The following WDR35 variants were observed in gnomAD, a reference collection of about 807,000 sequenced individuals.
The protein encoded by WDR35 is WD repeat-containing protein 35.
WDR35 carries 118 observed loss-of-function variants against 158.3 expected under a neutral mutation model. That is an observed-to-expected ratio of 0.75 (90% CI 0.64 to 0.87). The LOEUF (loss-of-function observed/expected upper bound fraction) is 0.87, where lower values mean the gene tolerates loss of function less well. WDR35 is among the 40% of genes least tolerant of loss of function. WDR35 has a pLI of 0.00. For missense variants in WDR35, 1,263 were observed against 1,405.8 expected, an observed-to-expected ratio of 0.90 and a Z score of 1.62; for synonymous variants, 448 against 476.1, an observed-to-expected ratio of 0.94 and a Z score of 0.77.
In WDR35 at chr2:19,938,251, C is replaced by A; in HGVS notation, c.2063+14G>T. On this transcript the variant is annotated intron_variant, in intron 18 of 26. Coordinates refer to ENST00000281405, the MANE Select transcript of WDR35 (RefSeq NM_020779.4). ...ACACCTGACATCCTGGGAGAGTTTG[C>A]TTTTTTTAAATACCAAAGTCGGGGG... The A allele has an allele frequency of 6.2e-7, 1 of 1,613,922 alleles. No individual in the cohort carries two copies. Among genetic ancestry groups the A allele is most frequent in the Non-Finnish European group, 8.5e-7 (1 of 1,179,960 alleles).
At chr2:19,924,388 C>A (rs2103389659) in intron 25 of WDR35, among the ~76,000 whole-genome samples, 1 of 152,088 alleles carries the variant, frequency 6.6e-6, no homozygotes, top group South Asian at 2.1e-4. Context: ...CATGGTGAAA[C>A]CCCGTCTCTA....
chr2:19,937,785 C>T lies in WDR35; in HGVS notation c.2225G>A (p.Arg742Lys), dbSNP rs1325079310. ...ATACGTTCTTTCAGCCTCTTCAAAC[C>T]TGCCGAAGTAGCCAACAACTTCAGC... ...KQAEVVGYFG[R>K]FEEAERTYLE... The change falls in exon 19 of 27, where the codon AGG becomes AAG. Residue 742 changes from arginine to lysine, a missense_variant. Physicochemically the swap from Arg to Lys is conservative, Grantham distance 26. Transcript: ENST00000281405. The T allele has an allele frequency of 6.2e-7, 1 of 1,614,136 alleles. No homozygotes were observed. Among genetic ancestry groups the T allele is most frequent in the African/African-American group, 1.3e-5 (1 of 75,026 alleles).
At chr2:19,982,432 A>G (rs369312670) in intron 3 of WDR35, 31 bp downstream of exon 3, 2 of 1,606,096 alleles carry the variant, frequency 1.2e-6, no homozygotes, top group African/African-American at 2.7e-5. Flanking sequence ...ATACCACTCA[A>G]ACATGACTTA....
intron 10 of WDR35, among the ~76,000 whole-genome samples, chr2:19,965,716 G>T (rs1016686933): frequency 6.6e-6 from 1 of 152,198 alleles, no homozygotes; most frequent in Non-Finnish European, 1.5e-5. Flanking sequence ...AACCCCAGTC[G>T]TTGTAGGTGG....
At chr2:19,958,308 C>T (rs1671514427) in intron 11 of WDR35, among the ~76,000 whole-genome samples, 1 of 152,190 alleles carries the variant, frequency 6.6e-6, no homozygotes, top group African/African-American at 2.4e-5. Context: ...TAAAGAAATA[C>T]TTACTTTTCA....
At chr2:19,982,679 T>G (rs545717368) in intron 2 of WDR35, 145 bp from the exon 3 acceptor site, 25 of 864,748 alleles carry the variant, frequency 2.9e-5, no homozygotes, top group Admixed American at 5.3e-5. Context: ...GGTATAAACA[T>G]GAACAATAAC....
intron 25 of WDR35, among the ~76,000 whole-genome samples, chr2:19,921,012 A>G (rs920940484): frequency 6.6e-6 from 1 of 152,192 alleles, no homozygotes; most frequent in South Asian, 2.1e-4. Flanking sequence ...ACCTAGGAAT[A>G]CAACTTACAA....
At chr2:19,925,843 C>T (rs574395230) in intron 25 of WDR35, among the ~76,000 whole-genome samples, 7 of 152,204 alleles carry the variant, frequency 4.6e-5, no homozygotes, top group South Asian at 4.2e-4. Flanking sequence ...TTGGAAGAAC[C>T]GCTTCAAGTG....
intron 10 of WDR35, 147 bp downstream of exon 10, chr2:19,966,577 G>C: frequency 1.2e-6 from 1 of 847,576 alleles, no homozygotes; most frequent in Non-Finnish European, 1.8e-6. Context: ...GAGTCACAGA[G>C]TTTTCCAAAA....
chr2:19,963,340 CA>C (rs1267568654), intron 10 of WDR35, among the ~76,000 whole-genome samples: 2 of 152,000 alleles, frequency 1.3e-5, no homozygotes, highest in Non-Finnish European at 2.9e-5. Flanking sequence ...TCTTTTCAAG[CA>C]CATTCTGCTT....
At chr2:19,961,219 A>G (rs910020162) in intron 10 of WDR35, among the ~76,000 whole-genome samples, 3 of 152,240 alleles carry the variant, frequency 2.0e-5, no homozygotes, top group Non-Finnish European at 4.4e-5. Context: ...TCAGCAGTCT[A>G]CAAAAGGACA....
At position 19,981,989 on chromosome 2, in the gene WDR35, T is replaced by G. The variant is rs549092419; in HGVS notation, c.214+474A>C. Reference sequence around the variant, plus strand: ...GTTGAATGACTCTAAGTTGTATTACTTATGTCTCAACAGAAATGATTACAA... The same window carrying G: ...GTTGAATGACTCTAAGTTGTATTACGTATGTCTCAACAGAAATGATTACAA... On this transcript the variant is annotated intron_variant, in intron 3 of 26. Transcript: ENST00000281405. 3.3e-5 allele frequency among the ~76,000 whole-genome samples: 5 copies of G among 152,356 alleles called. No homozygotes were observed. The South Asian group carries it at 1.0e-3, about 32-fold the overall frequency.
In WDR35 at chr2:19,990,054, C is replaced by T. The variant is rs1382958777; in HGVS notation, c.-39G>A. 6.2e-7 allele frequency: 1 copy of T among 1,612,266 alleles called. No individual in the cohort carries two copies. Among genetic ancestry groups the T allele is most frequent in the East Asian group, 2.2e-5 (1 of 44,828 alleles). On this transcript the variant is annotated 5_prime_UTR_variant, in exon 1 of 27. Transcript: ENST00000281405. ...AGAGGGTCACGGCGGCCGCTAAGGC[C>T]CTCGACAAGTAACGGTTCTACGTCT...
chr2:19,936,462 C>T lies in WDR35; in HGVS notation c.2268-97G>A, dbSNP rs139042010. The T allele has an allele frequency of 6.4e-6, 10 of 1,557,378 alleles. No individual in the cohort carries two copies. The African/African-American group carries it at 1.1e-4, about 17-fold the overall frequency. On this transcript the variant is annotated intron_variant, in intron 19 of 26. Transcript: ENST00000281405. The stretch of plus-strand genomic sequence containing the variant: ...GGTACAGTTCTAGGTGCTGAGGCTA[C>T]ACAGCAGTGGACAATGTGACTCTCC...
In WDR35 at chr2:19,975,592, C is replaced by A; in HGVS notation, c.508G>T (p.Val170Phe). ...SHVTWSADSK[V>F]LLFGMANGEI... is the part of the protein sequence containing the mutation. ...CCATTTGCCATTCCAAAAAGTAAGA[C>A]TTTACTGTCCGCAGACCATGTTACA... Residue 170 changes from valine to phenylalanine, a missense_variant, in exon 6 of 27, where the codon GTC becomes TTC. Val to Phe is a conservative substitution (Grantham distance 50). Coordinates refer to ENST00000281405, the MANE Select transcript of WDR35 (RefSeq NM_020779.4). 4 of 1,614,046 alleles carry A rather than the reference C, an allele frequency of 2.5e-6. No homozygotes were observed. The highest frequency in any genetic ancestry group is 3.4e-6 in the Non-Finnish European group (4 of 1,179,952).
intron 8 of WDR35, among the ~76,000 whole-genome samples, chr2:19,972,564 T>C (rs1212691185): frequency 2.0e-5 from 3 of 152,078 alleles, no homozygotes; most frequent in Non-Finnish European, 4.4e-5. Context: ...TATGCTTTTT[T>C]TTTTCCTTCA....
intron 10 of WDR35, among the ~76,000 whole-genome samples, chr2:19,962,843 C>T (rs1671707621): frequency 6.6e-6 from 1 of 152,054 alleles, no homozygotes; most frequent in African/African-American, 2.4e-5. Context: ...AGCTTATTTA[C>T]TGCCACAAAA....
chr2:19,982,644 C>A (rs1672421177), intron 2 of WDR35, 110 bp from the exon 3 acceptor site: 3 of 1,077,148 alleles, frequency 2.8e-6, no homozygotes, highest in Non-Finnish European at 2.7e-6. Flanking sequence ...TCTAAGTATG[C>A]CCCATTCTGA....
At chr2:19,919,249 C>T (rs188874951) in intron 25 of WDR35, among the ~76,000 whole-genome samples, 106 of 151,670 alleles carry the variant, frequency 7.0e-4, no homozygotes, top group Middle Eastern at 6.8e-3. Flanking sequence ...GGCATGGTGG[C>T]GGGCGCCTGT....
Sources: allele counts gnomAD v4.1 joint callset (sites outside exome capture counted in the v4.1 genomes callset), GRCh38; gene constraint gnomAD v4.1.1; transcripts MANE v1.5; gene names NCBI Gene and HGNC (gene_info 2026-07-23, HGNC 2026-07-21).